MAP3K4: variants seen among roughly 807,000 people sequenced by gnomAD.
MAP3K4 encodes mitogen-activated protein kinase kinase kinase 4, also known as MAP three kinase 1.
Under a neutral mutation model 185.6 loss-of-function variants are expected in MAP3K4, and 67 were observed. That is an observed-to-expected ratio of 0.36 (90% confidence interval 0.30 to 0.44). The LOEUF (loss-of-function observed/expected upper bound fraction) is 0.44. MAP3K4 is among the 20% of genes least tolerant of loss of function. MAP3K4 has a pLI of 1.00. For missense variants in MAP3K4, 1,551 were observed against 1,995.1 expected (o/e 0.78, Z 4.24); for synonymous variants, 702 against 710.4 (o/e 0.99, Z 0.19).
At position 161,074,811 on chromosome 6, in the gene MAP3K4, C is replaced by G. The variant is rs943321610; in HGVS notation, c.2097+1199C>G. On this transcript the variant is annotated intron_variant, in intron 5 of 26. Coordinates refer to ENST00000392142, the MANE Select transcript of MAP3K4 (RefSeq NM_005922.4). The surrounding 1 kb of genome is among the most constrained non-coding windows in gnomAD (Gnocchi z 5.0). ...AGGATGGCTGCAGCACCTACAGATA[C>G]CACTCTCACTTTCTAAGCGGGAAGA... 6.6e-6 allele frequency among the ~76,000 whole-genome samples: 1 copy of G among 152,130 alleles called. No homozygotes were observed. Among genetic ancestry groups the G allele is most frequent in the Non-Finnish European group, 1.5e-5 (1 of 68,018 alleles).
At chr6:161,012,393 A>T (rs1282590667) in intron 1 of MAP3K4, among the ~76,000 whole-genome samples, 1 of 152,188 alleles carries the variant, frequency 6.6e-6, no homozygotes, top group South Asian at 2.1e-4. Flanking sequence ...TTTTTATTAT[A>T]TAAATCATAA....
intron 1 of MAP3K4, among the ~76,000 whole-genome samples, chr6:160,997,499 A>C (rs566363406): frequency 6.6e-6 from 1 of 152,348 alleles, no homozygotes; most frequent in South Asian, 2.1e-4. Context: ...GAAGATGCTC[A>C]TGATACAACT....
intron 1 of MAP3K4, among the ~76,000 whole-genome samples, chr6:161,027,168 T>C (rs1782714627): frequency 1.3e-5 from 2 of 152,204 alleles, no homozygotes; most frequent in African/African-American, 4.8e-5. Flanking sequence ...CACAGCATCA[T>C]GAATGCGGAT....
Position 161,024,405 on chromosome 6 carries a change from A to C in MAP3K4, c.153-9854A>C, listed in dbSNP as rs543034743. 2.0e-5 allele frequency among the ~76,000 whole-genome samples: 3 copies of C among 152,280 alleles called. No homozygotes were observed. The South Asian group carries it at 6.2e-4, about 32-fold the overall frequency. ...TCACGACTAATGAACCAATATTGAC[A>C]CTTTGTTGTTAACTAAACTCAGAAC... On this transcript the variant is annotated intron_variant, in intron 1 of 26. Coordinates refer to ENST00000392142, the MANE Select transcript of MAP3K4 (RefSeq NM_005922.4).
chr6:161,042,629 A>G (rs1783524362), intron 2 of MAP3K4, among the ~76,000 whole-genome samples: 1 of 152,172 alleles, frequency 6.6e-6, no homozygotes, highest in African/African-American at 2.4e-5. Context: ...GTTTGTTCTT[A>G]AGGTTGGTTT....
chr6:161,071,403 A>G lies in MAP3K4; in HGVS notation c.1950+553A>G, dbSNP rs1400525070. Among the ~76,000 whole-genome samples the G allele has an allele frequency of 6.6e-6, 1 of 152,202 alleles. No homozygotes were observed. The highest frequency in any genetic ancestry group is 1.5e-5 in the Non-Finnish European group (1 of 68,040). On this transcript the variant is annotated intron_variant, in intron 4 of 26. Transcript: ENST00000392142. This position sits in a 1 kb window ranked among gnomAD's most constrained non-coding sequence, Gnocchi z 4.6. ...AGAGTGAGTGCTGAAGAGGGTCTGT[A>G]TTTATTATTTATGATATTAACATAT...
Position 161,086,261 on chromosome 6 carries a change from C to A in MAP3K4, c.2373-118C>A. On this transcript the variant is annotated intron_variant, in intron 7 of 26. Transcript: ENST00000392142. This position sits in a 1 kb window ranked among gnomAD's most constrained non-coding sequence, Gnocchi z 4.8. The stretch of plus-strand genomic sequence containing the variant: ...AATAGTTTGTTCCCATTTAAAAAAT[C>A]CTCAGTCTTTATTTATTACTGTGAT... The A allele has an allele frequency of 1.8e-6, 1 of 559,806 alleles. No homozygotes were observed. Among genetic ancestry groups the A allele is most frequent in the Non-Finnish European group, 3.1e-6 (1 of 318,168 alleles). 34.7% of individuals were successfully genotyped at this position (559,806 alleles called of 1,614,324 possible).
chr6:161,083,284 C>T (rs1785544013), intron 6 of MAP3K4, among the ~76,000 whole-genome samples: 1 of 152,200 alleles, frequency 6.6e-6, no homozygotes. Flanking sequence ...TTACCAATAA[C>T]CTGAAATACA....
At position 161,112,366 on chromosome 6, in the gene MAP3K4, C is replaced by T. The variant is rs887470324; in HGVS notation, c.4520-302C>T. ...ACACTATGATTAAATGGTAATGATTCGTTTTGATCACTTAGTGCCATGAAA... is the reference window on the plus strand; with the variant it reads ...ACACTATGATTAAATGGTAATGATTTGTTTTGATCACTTAGTGCCATGAAA... On this transcript the variant is annotated intron_variant, in intron 24 of 26. Coordinates refer to ENST00000392142, the MANE Select transcript of MAP3K4 (RefSeq NM_005922.4). This position sits in a 1 kb window ranked among gnomAD's most constrained non-coding sequence, Gnocchi z 5.1. Among the ~76,000 whole-genome samples the T allele has an allele frequency of 5.3e-5, 8 of 152,112 alleles. No individual in the cohort carries two copies. Among genetic ancestry groups the T allele is most frequent in the Non-Finnish European group, 1.0e-4 (7 of 68,022 alleles).
chr6:161,086,796 T>G lies in MAP3K4; in HGVS notation c.2556+129T>G, dbSNP rs561092905. The G allele has an allele frequency of 1.9e-5, 12 of 646,742 alleles. No homozygotes were observed. The highest frequency in any genetic ancestry group is 5.5e-5 in the East Asian group (2 of 36,370). 40.1% of individuals were successfully genotyped at this position (646,742 alleles called of 1,614,324 possible). A position where few individuals can be genotyped will look rare whatever the true frequency, so the allele number is the denominator to read the frequency against. ...CTGAAGGCTGTACCACAACCCCAGT[T>G]GTAAGACTGTCCTGTAATTCACCAG... On this transcript the variant is annotated intron_variant, in intron 9 of 26. Transcript: ENST00000392142. The surrounding 1 kb of genome is among the most constrained non-coding windows in gnomAD (Gnocchi z 4.8).
In MAP3K4 at chr6:161,084,406, G is replaced by A. The variant is rs929575536; in HGVS notation, c.2256-95G>A. 8.7e-6 allele frequency: 6 copies of A among 691,084 alleles called. No homozygotes were observed. In the Admixed American group the frequency reaches 1.3e-4, roughly 15 times the overall value. The allele number at this position is 691,084 out of a possible 1,614,324, so 42.8% of individuals were successfully genotyped here. ...CATTTTTGATTTTTAAACCATTAGA[G>A]CAGTAGCTGAGCCTTTCAAGTTTCT... On this transcript the variant is annotated intron_variant, in intron 6 of 26. Transcript: ENST00000392142. This position sits in a 1 kb window ranked among gnomAD's most constrained non-coding sequence, Gnocchi z 4.6.
At chr6:161,055,054 G>A (rs574426849) in intron 3 of MAP3K4, among the ~76,000 whole-genome samples, 1 of 152,268 alleles carries the variant, frequency 6.6e-6, no homozygotes, top group African/African-American at 2.4e-5. Flanking sequence ...CTTCTAGTCT[G>A]AGTATTGTTG....
intron 3 of MAP3K4, among the ~76,000 whole-genome samples, chr6:161,060,730 G>A (rs776395751): frequency 6.7e-5 from 10 of 149,502 alleles, no homozygotes; most frequent in African/African-American, 1.5e-4. Context: ...AGTGGTTCTC[G>A]TGCCTCAGCC....
Position 161,091,369 on chromosome 6 carries a change from G to T in MAP3K4, c.2974-10G>T. On this transcript the variant is annotated splice_polypyrimidine_tract_variant and intron_variant, in intron 11 of 26. Coordinates refer to ENST00000392142, the MANE Select transcript of MAP3K4 (RefSeq NM_005922.4). The surrounding 1 kb of genome is among the most constrained non-coding windows in gnomAD (Gnocchi z 5.5). The stretch of plus-strand genomic sequence containing the variant: ...TTCATTTTGCATTAATCATGGTTTG[G>T]ACTCTTCAGAATGATGCATTGGAGC... 6.2e-7 allele frequency: 1 copy of T among 1,608,916 alleles called. No homozygotes were observed. Among genetic ancestry groups the T allele is most frequent in the Non-Finnish European group, 8.5e-7 (1 of 1,177,692 alleles).
chr6:161,079,068 G>T (rs373362367), intron 5 of MAP3K4, among the ~76,000 whole-genome samples: 2 of 151,460 alleles, frequency 1.3e-5, no homozygotes, highest in African/African-American at 2.4e-5. Flanking sequence ...ACAAAAATCA[G>T]CTGGGCATGG....
At chr6:161,072,304 C>CA (rs1425046312) in intron 4 of MAP3K4, among the ~76,000 whole-genome samples, 1 of 152,150 alleles carries the variant, frequency 6.6e-6, no homozygotes, top group African/African-American at 2.4e-5. Flanking sequence ...AAATCAAAAT[C>CA]AAAAATAATT....
chr6:161,109,692 T>C lies in MAP3K4; in HGVS notation c.4237-63T>C. 6.3e-7 allele frequency: 1 copy of C among 1,577,450 alleles called. No individual in the cohort carries two copies. Among genetic ancestry groups the C allele is most frequent in the Non-Finnish European group, 8.7e-7 (1 of 1,150,352 alleles). ...GTGTGGCCTAGGAAGTTTTCCAGAT[T>C]TTTCACTAGCGTACATCTAAGGAAA... is the stretch of plus-strand genomic sequence containing the variant. On this transcript the variant is annotated intron_variant, in intron 22 of 26. Transcript: ENST00000392142. This position sits in a 1 kb window ranked among gnomAD's most constrained non-coding sequence, Gnocchi z 5.7.
In MAP3K4 at chr6:161,106,736, T is replaced by C. The variant is rs1778091028; in HGVS notation, c.4048+31T>C. ...GAAATTAAGGAGCATGATGTCAAGA[T>C]AGTCCCTGTTAGAAGTAGCAATAGT... On this transcript the variant is annotated intron_variant, in intron 20 of 26. Coordinates refer to ENST00000392142, the MANE Select transcript of MAP3K4 (RefSeq NM_005922.4). The surrounding 1 kb of genome is among the most constrained non-coding windows in gnomAD (Gnocchi z 4.9). The C allele has an allele frequency of 1.3e-6, 2 of 1,550,656 alleles. No homozygotes were observed. The highest frequency in any genetic ancestry group is 8.8e-7 in the Non-Finnish European group (1 of 1,136,360).
In MAP3K4 at chr6:161,110,573, C is replaced by A. The variant is rs1026903355; in HGVS notation, c.4396+659C>A. On this transcript the variant is annotated intron_variant, in intron 23 of 26. Coordinates refer to ENST00000392142, the MANE Select transcript of MAP3K4 (RefSeq NM_005922.4). This position sits in a 1 kb window ranked among gnomAD's most constrained non-coding sequence, Gnocchi z 4.8. Reference sequence around the variant, plus strand: ...GGGAAGTATTTTTGTGCCTATTTGGCCCTAGGCTGAAGAGTTTCATTCTGT... The same window carrying A: ...GGGAAGTATTTTTGTGCCTATTTGGACCTAGGCTGAAGAGTTTCATTCTGT... 6.6e-6 allele frequency among the ~76,000 whole-genome samples: 1 copy of A among 152,178 alleles called. No homozygotes were observed. Among genetic ancestry groups the A allele is most frequent in the African/African-American group, 2.4e-5 (1 of 41,448 alleles).
Sources: gnomAD v4.1 joint callset for allele counts (sites outside exome capture counted in the v4.1 genomes callset) on GRCh38, gnomAD v4.1.1 for gene constraint, Gnocchi (gnomAD v3.1) non-coding constraint, MANE v1.5 for transcripts, NCBI Gene and HGNC (gene_info 2026-07-23, HGNC 2026-07-21) for gene names.